TRPM3: variants seen among roughly 807,000 people sequenced by gnomAD.
TRPM3 encodes the protein long transient receptor potential channel 3.
In TRPM3, 77 loss-of-function variants were observed where a neutral mutation model predicts 181.2. The ratio of observed to expected loss-of-function variants is 0.42; its 90% confidence interval spans 0.35 to 0.51. The LOEUF (loss-of-function observed/expected upper bound fraction) is 0.51, where lower values mean the gene tolerates loss of function less well. Among genes scored for constraint, TRPM3 ranks in the 20% least tolerant of loss-of-function variants. The pLI is 0.01. For synonymous variants in TRPM3, 745 were observed against 796.4 expected (o/e 0.94, Z 1.09); for missense variants, 1,759 against 2,196.7 (o/e 0.80, Z 3.98).
At chr9:71,115,954 G>A (rs1359666570) in intron 1 of TRPM3, among the ~76,000 whole-genome samples, 1 of 152,176 alleles carries the variant, frequency 6.6e-6, no homozygotes, top group Non-Finnish European at 1.5e-5. Flanking sequence ...TTCCCTCTCT[G>A]CTGGGTTTTA....
chr9:70,975,338 C>T (rs1251428758), intron 1 of TRPM3, among the ~76,000 whole-genome samples: 1 of 152,054 alleles, frequency 6.6e-6, no homozygotes, highest in African/African-American at 2.4e-5. Context: ...TTACTTGTAC[C>T]ACAGCCATTT....
At chr9:71,134,793 A>C (rs998426759) in intron 1 of TRPM3, among the ~76,000 whole-genome samples, 5 of 152,190 alleles carry the variant, frequency 3.3e-5, no homozygotes, top group African/African-American at 1.2e-4. Context: ...CTAGAATCTA[A>C]GCCACTAGAG....
intron 1 of TRPM3, among the ~76,000 whole-genome samples, chr9:71,320,718 A>T (rs1003143631): frequency 1.3e-5 from 2 of 152,094 alleles, no homozygotes; most frequent in Non-Finnish European, 2.9e-5. Flanking sequence ...GGTGACTCAC[A>T]ATTGTGTAAC....
intron 9 of TRPM3, among the ~76,000 whole-genome samples, chr9:70,648,279 A>T (rs1281311948): frequency 6.6e-6 from 1 of 152,174 alleles, no homozygotes; most frequent in African/African-American, 2.4e-5. Flanking sequence ...GTTTGAGACC[A>T]GCCTGGGCAA....
At chr9:71,117,855 C>T (rs1163819020) in intron 1 of TRPM3, among the ~76,000 whole-genome samples, 1 of 152,120 alleles carries the variant, frequency 6.6e-6, no homozygotes, top group Non-Finnish European at 1.5e-5. Flanking sequence ...TCTCCCAATG[C>T]AACCCATTTT....
At chr9:70,631,361 C>CT (rs11285828) in intron 12 of TRPM3, among the ~76,000 whole-genome samples, 2,055 of 136,828 alleles carry the variant, frequency 0.015, 17 homozygotes, top group African/African-American at 0.018. Context: ...TCTGAAATGC[C>CT]TTTTTTTTTT....
intron 1 of TRPM3, among the ~76,000 whole-genome samples, chr9:71,363,302 T>C (rs1184557720): frequency 6.6e-6 from 1 of 152,228 alleles, no homozygotes; most frequent in Non-Finnish European, 1.5e-5. Flanking sequence ...GTCATGCCCA[T>C]ACTAGTCAAA....
intron 1 of TRPM3, among the ~76,000 whole-genome samples, chr9:71,332,376 G>C (rs796260786): frequency 7.0e-6 from 1 of 142,248 alleles, no homozygotes; most frequent in Non-Finnish European, 1.6e-5. Context: ...TTCAATGTTG[G>C]GTGTGTGTGT....
At chr9:71,182,663 T>C (rs1027874419) in intron 1 of TRPM3, among the ~76,000 whole-genome samples, 1 of 152,112 alleles carries the variant, frequency 6.6e-6, no homozygotes, top group African/African-American at 2.4e-5. Context: ...TGCTCAATAT[T>C]AAATTTTATT....
At chr9:70,614,903 G>A (rs574848754) in intron 18 of TRPM3, among the ~76,000 whole-genome samples, 14 of 152,280 alleles carry the variant, frequency 9.2e-5, no homozygotes, top group Admixed American at 3.9e-4. Flanking sequence ...GAAGACAGTC[G>A]TCTGTTACAG....
Position 71,198,046 on chromosome 9 carries a change from G to C in TRPM3, c.183+248607C>G, listed in dbSNP as rs1384903270. Among the ~76,000 whole-genome samples the C allele has an allele frequency of 4.7e-5, 7 of 149,710 alleles. No homozygotes were observed. In the East Asian group the frequency reaches 1.4e-3, roughly 29 times the overall value. The stretch of plus-strand genomic sequence containing the variant: ...TTTAATCCATCTTGAATTAATTTTT[G>C]TATAAGGTGTAAGGAAGGGATCCAG... On this transcript the variant is annotated intron_variant, in intron 1 of 24. Transcript: ENST00000357533.
At chr9:71,321,220 T>C (rs1451198438) in intron 1 of TRPM3, among the ~76,000 whole-genome samples, 1 of 152,198 alleles carries the variant, frequency 6.6e-6, no homozygotes, top group East Asian at 1.9e-4. Context: ...TTTAAAATTC[T>C]TCCTACTAAA....
At chr9:71,418,438 T>C (rs1299341482) in intron 1 of TRPM3, among the ~76,000 whole-genome samples, 2 of 151,838 alleles carry the variant, frequency 1.3e-5, no homozygotes, top group Non-Finnish European at 2.9e-5. Flanking sequence ...ACTGGACCTA[T>C]GGCAGCCTGA....
At chr9:71,267,909 A>C (rs1418401817) in intron 1 of TRPM3, among the ~76,000 whole-genome samples, 1 of 152,186 alleles carries the variant, frequency 6.6e-6, no homozygotes, top group Admixed American at 6.5e-5. Flanking sequence ...GGTGTACAAA[A>C]AAGATAGGGA....
chr9:70,637,043 C>G (rs1415767935), intron 11 of TRPM3, among the ~76,000 whole-genome samples: 1 of 152,116 alleles, frequency 6.6e-6, no homozygotes. Context: ...AATGCGGCAA[C>G]GACCTGCCCA....
chr9:71,103,626 A>G (rs1429201839), intron 1 of TRPM3, among the ~76,000 whole-genome samples: 1 of 152,226 alleles, frequency 6.6e-6, no homozygotes, highest in Non-Finnish European at 1.5e-5. Context: ...TGGTCTAAAT[A>G]TAACTGATTA....
intron 1 of TRPM3, among the ~76,000 whole-genome samples, chr9:71,400,271 A>T (rs1203950288): frequency 6.6e-6 from 1 of 152,126 alleles, no homozygotes; most frequent in African/African-American, 2.4e-5. Flanking sequence ...GGTTGGGAAG[A>T]TTTTCTGATC....
intron 19 of TRPM3, among the ~76,000 whole-genome samples, chr9:70,604,746 A>G (rs1164647815): frequency 6.6e-6 from 1 of 151,974 alleles, no homozygotes; most frequent in African/African-American, 2.4e-5. Flanking sequence ...TCCTGGGCTC[A>G]GGTAATTCTC....
intron 7 of TRPM3, among the ~76,000 whole-genome samples, chr9:70,770,953 G>A (rs150895265): frequency 1.5e-4 from 23 of 152,206 alleles, no homozygotes; most frequent in African/African-American, 2.9e-4. Flanking sequence ...TATGAAATTC[G>A]GATGAAGTAG....
Sources: gnomAD v4.1 joint callset for allele counts (sites outside exome capture counted in the v4.1 genomes callset) on GRCh38, gnomAD v4.1.1 for gene constraint, MANE v1.5 for transcripts, NCBI Gene and HGNC (gene_info 2026-07-23, HGNC 2026-07-21) for gene names.